Variants in TADA2B observed in about 807,000 individuals in gnomAD.
TADA2B encodes transcriptional adapter 2-beta.
TADA2B carries 13 observed loss-of-function variants against 34.5 expected under a neutral mutation model. The observed-to-expected ratio is 0.38, with a 90% CI of 0.25 to 0.60. TADA2B has a LOEUF of 0.60. Among genes scored for constraint, TADA2B ranks in the 20% least tolerant of loss-of-function variants. The pLI is 0.65. For missense variants in TADA2B, 442 were observed against 575.0 expected, an observed-to-expected ratio of 0.77 and a Z score of 2.37; for synonymous variants, 240 against 243.4, an observed-to-expected ratio of 0.99 and a Z score of 0.13.
chr4:7,047,872 C>G (rs1276734126), intron 1 of TADA2B, among the ~76,000 whole-genome samples: 4 of 152,232 alleles, frequency 2.6e-5, no homozygotes, highest in Admixed American at 6.5e-5. Flanking sequence ...CACGCAGTGT[C>G]TGCTCGCCAG....
chr4:7,052,242 C>T (rs559002477), intron 1 of TADA2B, among the ~76,000 whole-genome samples: 7 of 152,384 alleles, frequency 4.6e-5, no homozygotes, highest in Admixed American at 1.3e-4. Context: ...CCCGCCTGCG[C>T]GGTGGAAGCA....
At chr4:7,047,686 GGAAGGACACAAGATGGCTGTGCAGGTA>G in intron 1 of TADA2B, among the ~76,000 whole-genome samples, 1 of 152,274 alleles carries the variant, frequency 6.6e-6, no homozygotes, top group Non-Finnish European at 1.5e-5. Context: ...TCCTGCGGAG[GGAAGGACACAAGATGGCTGTGCAGGTA>G]GAGGAGAGTG....
In TADA2B at chr4:7,043,388, C is replaced by T. The variant is rs1237940450; in HGVS notation, c.-192C>T. On this transcript the variant is annotated 5_prime_UTR_variant, in exon 1 of 2. Coordinates refer to ENST00000310074, the MANE Select transcript of TADA2B (RefSeq NM_152293.3). ...GGCCGGGCCGGACGGCGCCTGCGTA[C>T]TGAGGGGGGACGCGGCCCGGCTGGC... is the stretch of plus-strand genomic sequence containing the variant. 2 of 154,922 alleles carry T rather than the reference C, an allele frequency of 1.3e-5. No individual in the cohort carries two copies. The highest frequency in any genetic ancestry group is 5.0e-5 in the African/African-American group (2 of 39,756). The allele number at this position is 154,922 out of a possible 1,614,324, so 9.6% of individuals were successfully genotyped here.
rs527819831 is a variant in TADA2B, at chr4:7,055,270, T to A, written c.*216T>A. On this transcript the variant is annotated 3_prime_UTR_variant, in exon 2 of 2. Coordinates refer to ENST00000310074, the MANE Select transcript of TADA2B (RefSeq NM_152293.3). ...AGCAAATGTGTGTATTTTAAGTGAG[T>A]TCCTGCGAGTCATACACTGCGATGA... The A allele has an allele frequency of 1.4e-4, 76 of 561,636 alleles. No individual in the cohort carries two copies. The highest frequency in any genetic ancestry group is 1.3e-3 in the African/African-American group (71 of 53,270). 34.8% of individuals were successfully genotyped at this position (561,636 alleles called of 1,614,324 possible).
chr4:7,049,589 G>A (rs887988552), intron 1 of TADA2B, among the ~76,000 whole-genome samples: 20 of 152,206 alleles, frequency 1.3e-4, no homozygotes, highest in African/African-American at 4.8e-4. Context: ...CAGGGACAGT[G>A]GGGTCTCCGA....
chr4:7,043,956 C>G, intron 1 of TADA2B, 107 bp downstream of exon 1: 1 of 1,302,852 alleles, frequency 7.7e-7, no homozygotes, highest in Non-Finnish European at 9.8e-7. Context: ...TCGCTCCGCA[C>G]CCCAGAAGGC....
chr4:7,054,045 G>C lies in TADA2B; in HGVS notation c.271-17G>C, dbSNP rs770285671. 4 of 1,548,700 alleles carry C rather than the reference G, an allele frequency of 2.6e-6. No homozygotes were observed. The highest frequency in any genetic ancestry group is 1.2e-5 in the South Asian group (1 of 80,958). On this transcript the variant is annotated splice_polypyrimidine_tract_variant and intron_variant, in intron 1 of 1. Coordinates refer to ENST00000310074, the MANE Select transcript of TADA2B (RefSeq NM_152293.3). ...CACCCTGATGGTGGAACTAACTTCT[G>C]CCCTTTGTCATCGTAGGAAGATATG... is the stretch of plus-strand genomic sequence containing the variant.
intron 1 of TADA2B, chr4:7,044,849 C>T (rs548908930): frequency 9.8e-5 from 15 of 152,358 alleles, no homozygotes; most frequent in African/African-American, 3.6e-4. Context: ...CCTGCCTGGG[C>T]TGCTTTGATT....
Position 7,054,706 on chromosome 4 carries a change from G to A in TADA2B, c.915G>A (p.Ser305=), listed in dbSNP as rs1723848769. Reference sequence around the variant, plus strand: ...ACGGGATCACCAAGATGGAAGAGTCGGCAGAGTACGAGGCAGCGCGGCATA... The same window carrying A: ...ACGGGATCACCAAGATGGAAGAGTCAGCAGAGTACGAGGCAGCGCGGCATA... The part of the protein sequence containing the change: ...RRNGITKMEE[S]AEYEAARHKR... The change falls in exon 2 of 2, where the codon TCG becomes TCA. Residue 305 remains serine (S), a synonymous_variant. Coordinates refer to ENST00000310074, the MANE Select transcript of TADA2B (RefSeq NM_152293.3). The A allele has an allele frequency of 3.1e-6, 5 of 1,613,834 alleles. No homozygotes were observed. Among genetic ancestry groups the A allele is most frequent in the African/African-American group, 1.3e-5 (1 of 74,908 alleles).
Position 7,055,141 on chromosome 4 carries a change from T to A in TADA2B, c.*87T>A. ...GGGAGGGGAGCCGCTTCCCCACTGT[T>A]GCTCTTTTTTAAACAAATTGAGTTC... On this transcript the variant is annotated 3_prime_UTR_variant, in exon 2 of 2. Coordinates refer to ENST00000310074, the MANE Select transcript of TADA2B (RefSeq NM_152293.3). 1 of 1,359,302 alleles carries A rather than the reference T, an allele frequency of 7.4e-7. No individual in the cohort carries two copies. The highest frequency in any genetic ancestry group is 9.9e-7 in the Non-Finnish European group (1 of 1,012,264). The allele number at this position is 1,359,302 out of a possible 1,614,324, so 84.2% of individuals were successfully genotyped here.
chr4:7,050,509 A>C (rs1288805572), intron 1 of TADA2B, among the ~76,000 whole-genome samples: 2 of 152,356 alleles, frequency 1.3e-5, no homozygotes, highest in Middle Eastern at 3.4e-3. Flanking sequence ...GGAGAAGCCC[A>C]GCTTGTGGCC....
Position 7,054,340 on chromosome 4 carries a change from G to C in TADA2B, c.549G>C (p.Thr183=). 1 of 1,613,450 alleles carries C rather than the reference G, an allele frequency of 6.2e-7. No homozygotes were observed. Among genetic ancestry groups the C allele is most frequent in the Non-Finnish European group, 8.5e-7 (1 of 1,179,892 alleles). Residue 183 remains threonine, a synonymous_variant, in exon 2 of 2, where the codon ACG becomes ACC. Transcript: ENST00000310074. ...YEIEYDQDAE[T]LISGLSVNYD... ...TCGAGTATGACCAGGATGCCGAGAC[G>C]CTCATCAGCGGGCTCTCTGTCAACT...
At position 7,043,483 on chromosome 4, in the gene TADA2B, C is replaced by CGCGGCG. The variant is rs1292043310; in HGVS notation, c.-86_-81dup. The CGCGGCG allele has an allele frequency of 2.8e-5, 20 of 712,940 alleles. No homozygotes were observed. The highest frequency in any genetic ancestry group is 3.4e-5 in the Non-Finnish European group (20 of 589,216). The allele number at this position is 712,940 out of a possible 1,614,324, so 44.2% of individuals were successfully genotyped here. ...CGGCGGCGGGCGGCGGTTGCTCGTG[C>CGCGGCG]GCGGCGGCGGCGGCGGGTCCCGCGG... On this transcript the variant is annotated 5_prime_UTR_variant, in exon 1 of 2. Coordinates refer to ENST00000310074, the MANE Select transcript of TADA2B (RefSeq NM_152293.3).
intron 1 of TADA2B, among the ~76,000 whole-genome samples, chr4:7,050,382 T>TA (rs1362756897): frequency 2.0e-5 from 3 of 152,228 alleles, no homozygotes; most frequent in Non-Finnish European, 4.4e-5. Flanking sequence ...ACCCCTCCCT[T>TA]ACACCGAGCT....
At position 7,043,583 on chromosome 4, in the gene TADA2B, G is replaced by A; in HGVS notation, c.4G>A (p.Ala2Thr). 1 of 1,279,218 alleles carries A rather than the reference G, an allele frequency of 7.8e-7. No individual in the cohort carries two copies. The highest frequency in any genetic ancestry group is 1.0e-6 in the Non-Finnish European group (1 of 1,001,582). The allele number at this position is 1,279,218 out of a possible 1,614,324, so 79.2% of individuals were successfully genotyped here. A position where few individuals can be genotyped will look rare whatever the true frequency, so the allele number is the denominator to read the frequency against. The stretch of plus-strand genomic sequence containing the variant: ...GGCGGGCGGCGAGCGGGGGAAGATG[G>A]CGGAGCTGGGGAAGAAGTACTGCGT... M[A>T]ELGKKYCVYC... The change falls in exon 1 of 2, where the codon GCG becomes ACG. Residue 2 changes from alanine (A) to threonine (T), a missense_variant. By Grantham distance (58) the Ala-to-Thr change is moderately conservative. Around this residue, in one of 4 missense-constraint regions of TADA2B, gnomAD observed 102 missense variants for 177.2 expected, o/e 0.58. Coordinates refer to ENST00000310074, the MANE Select transcript of TADA2B (RefSeq NM_152293.3).
In TADA2B at chr4:7,054,340, G is replaced by A. The variant is rs762524365; in HGVS notation, c.549G>A (p.Thr183=). The A allele has an allele frequency of 3.1e-6, 5 of 1,613,450 alleles. No individual in the cohort carries two copies. The highest frequency in any genetic ancestry group is 4.5e-5 in the East Asian group (2 of 44,882). The change falls in exon 2 of 2, where the codon ACG becomes ACA. Residue 183 remains threonine (T), a synonymous_variant. Coordinates refer to ENST00000310074, the MANE Select transcript of TADA2B (RefSeq NM_152293.3). The part of the protein sequence containing the change: ...YEIEYDQDAE[T]LISGLSVNYD... Reference sequence around the variant, plus strand: ...TCGAGTATGACCAGGATGCCGAGACGCTCATCAGCGGGCTCTCTGTCAACT... The same window carrying A: ...TCGAGTATGACCAGGATGCCGAGACACTCATCAGCGGGCTCTCTGTCAACT...
intron 1 of TADA2B, among the ~76,000 whole-genome samples, chr4:7,052,262 G>A (rs1723789870): frequency 6.6e-6 from 1 of 152,250 alleles, no homozygotes; most frequent in South Asian, 2.1e-4. Context: ...ACAGACGTGA[G>A]GCGTTGGGAT....
At chr4:7,051,622 G>T (rs1220673691) in intron 1 of TADA2B, among the ~76,000 whole-genome samples, 1 of 150,920 alleles carries the variant, frequency 6.6e-6, no homozygotes, top group Non-Finnish European at 1.5e-5. Flanking sequence ...TTTTGAGACA[G>T]AGTCTCGCTC....
intron 1 of TADA2B, among the ~76,000 whole-genome samples, chr4:7,048,741 C>T (rs909852487): frequency 1.2e-4 from 19 of 152,122 alleles, no homozygotes; most frequent in African/African-American, 4.6e-4. Context: ...CTCACTCCCC[C>T]TCCCCCTTCC....
Sources: allele counts gnomAD v4.1 joint callset (sites outside exome capture counted in the v4.1 genomes callset), GRCh38; gene constraint gnomAD v4.1.1; regional missense constraint gnomAD v4.1.1; transcripts MANE v1.5; gene names NCBI Gene and HGNC (gene_info 2026-07-23, HGNC 2026-07-21).